SELENOO: variants seen among roughly 807,000 people sequenced by gnomAD.
SELENOO encodes selenoprotein O, also known as protein adenylyltransferase SelO, mitochondrial.
Under a neutral mutation model 58.7 loss-of-function variants are expected in SELENOO, and 74 were observed. The observed-to-expected ratio is 1.26, with a 90% CI of 1.04 to 1.53. SELENOO has a LOEUF of 1.53. SELENOO is among the 40% of genes most tolerant of loss of function. SELENOO has a pLI of 0.00. For synonymous variants in SELENOO, 543 were observed against 453.2 expected (o/e 1.20, Z -2.52); for missense variants, 1,149 against 970.0 (o/e 1.18, Z -2.45).
chr22:50,208,150 G>A (rs2064344255), intron 2 of SELENOO, among the ~76,000 whole-genome samples: 1 of 152,144 alleles, frequency 6.6e-6, no homozygotes, highest in Admixed American at 6.5e-5. Flanking sequence ...AGCCACAACA[G>A]GCCAGGCGCG....
chr22:50,206,442 T>C lies in SELENOO; in HGVS notation c.680T>C (p.Val227Ala), dbSNP rs764986230. Residue 227 changes from valine to alanine, a missense_variant, in exon 2 of 9, where the codon GTG becomes GCG. Val to Ala is a moderately conservative substitution (Grantham distance 64). Coordinates refer to ENST00000380903, the MANE Select transcript of SELENOO (RefSeq NM_031454.2). Reference protein sequence around the residue: ...GACVTSESTVVRDVFYDGNPK... With the variant: ...GACVTSESTVARDVFYDGNPK... Reference sequence around the variant, plus strand: ...TGCGTCACGTCCGAGTCCACGGTGGTGCGCGACGTGTTCTATGATGGTAAT... The same window carrying C: ...TGCGTCACGTCCGAGTCCACGGTGGCGCGCGACGTGTTCTATGATGGTAAT... The C allele has an allele frequency of 1.9e-6, 3 of 1,614,186 alleles. No homozygotes were observed. Among genetic ancestry groups the C allele is most frequent in the East Asian group, 4.5e-5 (2 of 44,878 alleles).
rs2064347207 is a variant in SELENOO at position 50,208,517 on chromosome 22, C to T, written c.759-19C>T. On this transcript the variant is annotated intron_variant, in intron 2 of 8. Transcript: ENST00000380903. Reference sequence around the variant, plus strand: ...TGGGGTCAGGTTTGGGCTGTTGACGCCTCGGGTCTTCCCTCCAGGTTTGGA... The same window carrying T: ...TGGGGTCAGGTTTGGGCTGTTGACGTCTCGGGTCTTCCCTCCAGGTTTGGA... 8 of 1,609,126 alleles carry T rather than the reference C, an allele frequency of 5.0e-6. 1 individual carries two copies. The highest frequency in any genetic ancestry group is 3.3e-4 in the Middle Eastern group (2 of 6,050).
chr22:50,214,780 T>A (rs1293977329), intron 5 of SELENOO, among the ~76,000 whole-genome samples: 1 of 152,198 alleles, frequency 6.6e-6, no homozygotes, highest in Non-Finnish European at 1.5e-5. Context: ...ATAGAAAACT[T>A]ATCTGCTGTG....
chr22:50,215,844 C>T lies in SELENOO; in HGVS notation c.1479C>T (p.Ala493=), dbSNP rs1277678492. 4 of 1,610,820 alleles carry T rather than the reference C, an allele frequency of 2.5e-6. No homozygotes were observed. In the South Asian group the frequency reaches 3.3e-5, roughly 13 times the overall value. ...QCASLEELRL[A]FRPQMDPRQL... ...CCTCCCTGGAGGAGCTGAGGCTGGC[C>T]TTCCGGCCCCAGATGGATCCCCGGT... is the stretch of plus-strand genomic sequence containing the variant. Residue 493 remains alanine, a synonymous_variant, in exon 6 of 9, where the codon GCC becomes GCT. Coordinates refer to ENST00000380903, the MANE Select transcript of SELENOO (RefSeq NM_031454.2).
chr22:50,202,170 A>G (rs528835547), intron 1 of SELENOO, among the ~76,000 whole-genome samples: 57 of 152,214 alleles, frequency 3.7e-4, no homozygotes, highest in Middle Eastern at 6.8e-3. Context: ...TTTCTACTAA[A>G]CAATGTACTT....
intron 6 of SELENOO, among the ~76,000 whole-genome samples, chr22:50,216,165 C>T (rs2064409065): frequency 6.6e-6 from 1 of 152,198 alleles, no homozygotes; most frequent in African/African-American, 2.4e-5. Flanking sequence ...AGAGGTCAAG[C>T]TTTCCCACAC....
At chr22:50,213,275 G>C (rs1325004927) in intron 5 of SELENOO, among the ~76,000 whole-genome samples, 1 of 152,148 alleles carries the variant, frequency 6.6e-6, no homozygotes, top group Non-Finnish European at 1.5e-5. Flanking sequence ...TGGCCAGGCT[G>C]GTCTCCAACA....
At position 50,201,085 on chromosome 22, in the gene SELENOO, C is replaced by A; in HGVS notation, c.49C>A (p.Leu17Ile). 1 of 1,366,780 alleles carries A rather than the reference C, an allele frequency of 7.3e-7. No individual in the cohort carries two copies. The highest frequency in any genetic ancestry group is 1.7e-5 in the South Asian group (1 of 58,700). The allele number at this position is 1,366,780 out of a possible 1,614,324, so 84.7% of individuals were successfully genotyped here. A position where few individuals can be genotyped will look rare whatever the true frequency, so the allele number is the denominator to read the frequency against. Residue 17 changes from leucine to isoleucine, a missense_variant, in exon 1 of 9, where the codon CTC (leucine) becomes ATC (isoleucine). By Grantham distance (5) the Leu-to-Ile change is conservative (BLOSUM62 2). Transcript: ENST00000380903. The part of the protein sequence containing the change: ...ALGASLAAAR[L>I]LPLGRCSPSP... ...CGGGGCTTCGCTCGCGGCTGCCCGA[C>A]TCTTGCCCCTCGGTCGCTGTTCCCC...
rs1307873838 is a variant in SELENOO at position 50,201,194 on chromosome 22, G to A, written c.158G>A (p.Arg53His). The change falls in exon 1 of 9, where the codon CGC becomes CAC. Residue 53 changes from arginine (R) to histidine (H), a missense_variant. Arg to His is a conservative substitution (Grantham distance 29, BLOSUM62 0). Coordinates refer to ENST00000380903, the MANE Select transcript of SELENOO (RefSeq NM_031454.2). ...CTGGCGGGGCTGCGCTTCGACAACC[G>A]CGCCCTGCGCGCCCTGCCCGTGGAG... ...RWLAGLRFDN[R>H]ALRALPVEAP... 7 of 1,198,988 alleles carry A rather than the reference G, an allele frequency of 5.8e-6. No individual in the cohort carries two copies. The highest frequency in any genetic ancestry group is 7.2e-6 in the Non-Finnish European group (7 of 967,482). The allele number at this position is 1,198,988 out of a possible 1,614,324, so 74.3% of individuals were successfully genotyped here.
chr22:50,216,436 C>T (rs2064412115), intron 6 of SELENOO, among the ~76,000 whole-genome samples: 1 of 152,232 alleles, frequency 6.6e-6, no homozygotes, highest in Non-Finnish European at 1.5e-5. Context: ...TGGAGACTCT[C>T]CAGCAGAAAG....
intron 1 of SELENOO, among the ~76,000 whole-genome samples, chr22:50,202,640 T>C (rs1412834893): frequency 6.6e-6 from 1 of 152,222 alleles, no homozygotes; most frequent in African/African-American, 2.4e-5. Flanking sequence ...GGTGATATTT[T>C]AAAGTTAAAA....
At chr22:50,213,735 C>T (rs2064387433) in intron 5 of SELENOO, among the ~76,000 whole-genome samples, 1 of 152,104 alleles carries the variant, frequency 6.6e-6, no homozygotes, top group African/African-American at 2.4e-5. Context: ...GCAAGCTCCA[C>T]CTCCCAGGTT....
At chr22:50,206,541 G>C in intron 2 of SELENOO, 21 bp downstream of exon 2, 9 of 1,595,782 alleles carry the variant, frequency 5.6e-6, no homozygotes, top group Non-Finnish European at 7.7e-6. Context: ...GGGCCTTTCG[G>C]CCTGTCTACA....
At position 50,201,062 on chromosome 22, in the gene SELENOO, G is replaced by C. The variant is rs1472744659; in HGVS notation, c.26G>C (p.Gly9Ala). The change falls in exon 1 of 9, where the codon GGG becomes GCG. Residue 9 changes from glycine (G) to alanine (A), a missense_variant. Coordinates refer to ENST00000380903, the MANE Select transcript of SELENOO (RefSeq NM_031454.2). MAVYRAAL[G>A]ASLAAARLLP... is the part of the protein sequence containing the mutation. Reference sequence around the variant, plus strand: ...ATGGCCGTATACAGGGCAGCGCTCGGGGCTTCGCTCGCGGCTGCCCGACTC... The same window carrying C: ...ATGGCCGTATACAGGGCAGCGCTCGCGGCTTCGCTCGCGGCTGCCCGACTC... 7.4e-7 allele frequency: 1 copy of C among 1,357,506 alleles called. No individual in the cohort carries two copies. Among genetic ancestry groups the C allele is most frequent in the Non-Finnish European group, 9.5e-7 (1 of 1,055,434 alleles). 84.1% of individuals were successfully genotyped at this position (1,357,506 alleles called of 1,614,324 possible).
Position 50,208,557 on chromosome 22 carries a change from T to C in SELENOO, c.780T>C (p.Phe260=). Residue 260 remains phenylalanine (F), a synonymous_variant, in exon 3 of 9, where the codon TTT becomes TTC. Coordinates refer to ENST00000380903, the MANE Select transcript of SELENOO (RefSeq NM_031454.2). ...TFIRFGSFEI[F]KSADEHTGRA... ...CCAGGTTTGGATCCTTTGAGATTTT[T>C]AAGTCTGCAGATGAGCACACAGGGC... 3 of 1,613,624 alleles carry C rather than the reference T, an allele frequency of 1.9e-6. No homozygotes were observed. Among genetic ancestry groups the C allele is most frequent in the Non-Finnish European group, 2.5e-6 (3 of 1,179,716 alleles).
chr22:50,208,899 A>C, intron 3 of SELENOO, 183 bp downstream of exon 3: 9 of 547,214 alleles, frequency 1.6e-5, no homozygotes, highest in South Asian at 6.6e-5. Context: ...CAAACCTGAA[A>C]CTCCCCTGGG....
rs34563111 is a variant in SELENOO, at chr22:50,204,620, CAA to C, written c.555-1683_555-1682del. 6.7e-3 allele frequency among the ~76,000 whole-genome samples: 990 copies of C among 147,918 alleles called. 12 individuals carry two copies. Among genetic ancestry groups the C allele is most frequent in the African/African-American group, 0.022 (899 of 40,520 alleles). On this transcript the variant is annotated intron_variant, in intron 1 of 8. Transcript: ENST00000380903. ...TGGGTGACAGAGTGAGACCCTGTCTCAAAAAAAAAAAAAAATCGTAAGTTAAA... is the reference window on the plus strand; with the variant it reads ...TGGGTGACAGAGTGAGACCCTGTCTCAAAAAAAAAAAAATCGTAAGTTAAA...
In SELENOO at chr22:50,212,424, C is replaced by T. The variant is rs533812644; in HGVS notation, c.1351+1513C>T. ...GTCCATGTCTTGTAGGTAATTTTGG[C>T]ATATAATTGTTCGTAGCAGTTTTTT... is the stretch of plus-strand genomic sequence containing the variant. On this transcript the variant is annotated intron_variant, in intron 5 of 8. Coordinates refer to ENST00000380903, the MANE Select transcript of SELENOO (RefSeq NM_031454.2). 1.1e-4 allele frequency among the ~76,000 whole-genome samples: 16 copies of T among 152,258 alleles called. No homozygotes were observed. In the South Asian group the frequency reaches 1.5e-3, roughly 14 times the overall value.
rs536146930 is a variant in SELENOO, at chr22:50,206,516, A to G, written c.754A>G (p.Ile252Val). The change falls in exon 2 of 9, where the codon ATA (isoleucine) becomes GTA (valine). Residue 252 changes from isoleucine to valine, a missense_variant. Physicochemically the swap from Ile to Val is conservative, Grantham distance 29. Transcript: ENST00000380903. ...TGTGTTGCGTGTAGCTTCCACTTTCATAAGGTAATGCCGGGGGCCTTTCGG... is the reference window on the plus strand; with the variant it reads ...TGTGTTGCGTGTAGCTTCCACTTTCGTAAGGTAATGCCGGGGGCCTTTCGG... ...TVVLRVASTF[I>V]RFGSFEIFKS... 4 of 1,613,146 alleles carry G rather than the reference A, an allele frequency of 2.5e-6. No homozygotes were observed. The Admixed American group carries it at 5.0e-5, about 20-fold the overall frequency.
Sources: gnomAD v4.1 joint callset for allele counts (sites outside exome capture counted in the v4.1 genomes callset) on GRCh38, gnomAD v4.1.1 for gene constraint, MANE v1.5 for transcripts, NCBI Gene and HGNC (gene_info 2026-07-23, HGNC 2026-07-21) for gene names.